The following LINGO2 variants were observed in gnomAD, a reference collection of about 807,000 sequenced individuals.
LINGO2 encodes the protein leucine-rich repeat and immunoglobulin-like domain-containing nogo receptor-interacting protein 2.
LINGO2 carries 14 observed loss-of-function variants against 30.6 expected under a neutral mutation model. That is an observed-to-expected ratio of 0.46 (90% CI 0.30 to 0.72). LINGO2 has a LOEUF of 0.72. Among genes scored for constraint, LINGO2 ranks in the 30% least tolerant of loss-of-function variants. The pLI, the probability that LINGO2 is intolerant of heterozygous loss-of-function variation, is 0.07. For synonymous variants in LINGO2, 317 were observed against 288.5 expected (o/e 1.10, Z -1.00); for missense variants, 729 against 751.7 (o/e 0.97, Z 0.35).
the LINGO2 span, among the ~76,000 whole-genome samples, chr9:29,210,369 C>G: frequency 3.3e-5 from 5 of 152,110 alleles, no homozygotes; most frequent in Admixed American, 6.5e-5. Flanking sequence ...AGGTGTCTTT[C>G]AGAAATACAT....
At chr9:29,199,555 T>C in the LINGO2 span, among the ~76,000 whole-genome samples, 2 of 152,046 alleles carry the variant, frequency 1.3e-5, no homozygotes, top group African/African-American at 2.4e-5. Flanking sequence ...ACAGAAAGCA[T>C]AGAGGCGAAC....
At chr9:28,323,266 C>T (rs1825111711) in intron 3 of LINGO2, among the ~76,000 whole-genome samples, 1 of 152,172 alleles carries the variant, frequency 6.6e-6, no homozygotes, top group Non-Finnish European at 1.5e-5. Flanking sequence ...TAGGCAAATT[C>T]TGTGCCTTTT....
intron 3 of LINGO2, among the ~76,000 whole-genome samples, chr9:28,305,670 T>A (rs926004461): frequency 3.3e-5 from 5 of 151,994 alleles, no homozygotes; most frequent in Non-Finnish European, 5.9e-5. Context: ...ACATACAAGA[T>A]CTGTACACTG....
chr9:28,777,937 C>A, the LINGO2 span, among the ~76,000 whole-genome samples: 1 of 152,114 alleles, frequency 6.6e-6, no homozygotes, highest in African/African-American at 2.4e-5. Flanking sequence ...GTTCCTTCTG[C>A]CTTCTTGCTA....
the LINGO2 span, among the ~76,000 whole-genome samples, chr9:29,211,592 T>C: frequency 3.3e-5 from 5 of 151,932 alleles, no homozygotes; most frequent in South Asian, 2.1e-4. Context: ...TCTCTCTCTC[T>C]CTCCCTCCCT....
chr9:28,657,061 T>C (rs1435632049), intron 1 of LINGO2, among the ~76,000 whole-genome samples: 3 of 152,072 alleles, frequency 2.0e-5, no homozygotes, highest in Non-Finnish European at 4.4e-5. Flanking sequence ...AAGATAACCA[T>C]ACATAAAGAC....
intron 4 of LINGO2, among the ~76,000 whole-genome samples, chr9:28,235,691 G>T (rs561672403): frequency 6.6e-6 from 1 of 152,172 alleles, no homozygotes; most frequent in Non-Finnish European, 1.5e-5. Flanking sequence ...AAATGCCACT[G>T]ACATGCTGAA....
chr9:28,198,594 G>A (rs985305324), intron 4 of LINGO2, among the ~76,000 whole-genome samples: 2 of 152,086 alleles, frequency 1.3e-5, no homozygotes, highest in Non-Finnish European at 2.9e-5. Flanking sequence ...AAATGGAAGT[G>A]TCTTGAGGAA....
chr9:28,721,997 GA>G, the LINGO2 span, among the ~76,000 whole-genome samples: 23 of 151,880 alleles, frequency 1.5e-4, no homozygotes, highest in Admixed American at 1.5e-3. Flanking sequence ...AAATCTTCAT[GA>G]GGGGAAATAA....
chr9:27,969,689 A>C (rs1167418878), intron 5 of LINGO2, among the ~76,000 whole-genome samples: 2 of 151,988 alleles, frequency 1.3e-5, no homozygotes, highest in African/African-American at 2.4e-5. Context: ...CTAAAGTCCT[A>C]GTTACTCTAG....
chr9:28,313,861 G>C (rs1248496850), intron 3 of LINGO2, among the ~76,000 whole-genome samples: 2 of 152,158 alleles, frequency 1.3e-5, no homozygotes, highest in Non-Finnish European at 2.9e-5. Context: ...CTTATTTGAA[G>C]AGGGCCTTTA....
intron 2 of LINGO2, among the ~76,000 whole-genome samples, chr9:28,436,135 A>G (rs377639888): frequency 6.3e-4 from 96 of 152,196 alleles, no homozygotes; most frequent in African/African-American, 2.1e-3. Context: ...CAAATTATCC[A>G]TAGCAACAAC....
intron 1 of LINGO2, among the ~76,000 whole-genome samples, chr9:28,512,454 A>G (rs1820427377): frequency 6.6e-6 from 1 of 151,640 alleles, no homozygotes; most frequent in Non-Finnish European, 1.5e-5. Context: ...CTGCTGGGTC[A>G]TACGGCCCAA....
At chr9:29,132,105 T>C in the LINGO2 span, among the ~76,000 whole-genome samples, 1 of 151,636 alleles carries the variant, frequency 6.6e-6, no homozygotes. Flanking sequence ...AGTCCCTTGA[T>C]CCCCAATAGG....
chr9:29,127,224 T>A, the LINGO2 span, among the ~76,000 whole-genome samples: 1 of 152,130 alleles, frequency 6.6e-6, no homozygotes, highest in African/African-American at 2.4e-5. Flanking sequence ...GCATGTACTC[T>A]GAAATCTGTG....
chr9:28,833,740 C>G, the LINGO2 span, among the ~76,000 whole-genome samples: 1 of 152,176 alleles, frequency 6.6e-6, no homozygotes, highest in East Asian at 1.9e-4. Context: ...CGAATAAAAT[C>G]AAGGCTTAGC....
chr9:28,183,329 C>A (rs1406288201), intron 4 of LINGO2, among the ~76,000 whole-genome samples: 1 of 151,644 alleles, frequency 6.6e-6, no homozygotes, highest in African/African-American at 2.4e-5. Context: ...GGGGAGGGAA[C>A]TTAGAGGTCA....
Position 28,055,015 on chromosome 9 carries a change from C to T in LINGO2, c.-86-42610G>A, listed in dbSNP as rs537708560. On this transcript the variant is annotated intron_variant, in intron 4 of 5. Coordinates refer to ENST00000379992, the Ensembl canonical transcript of LINGO2. ...AATTTAATTTGCTTTCTGATTAAAA[C>T]AAAACGCACAAACTTGCAAAAAAAA... 2.0e-5 allele frequency among the ~76,000 whole-genome samples: 3 copies of T among 147,384 alleles called. No homozygotes were observed. In the East Asian group the frequency reaches 5.9e-4, roughly 29 times the overall value.
intron 4 of LINGO2, among the ~76,000 whole-genome samples, chr9:28,085,457 A>C (rs1391579906): frequency 1.3e-5 from 2 of 152,096 alleles, no homozygotes; most frequent in South Asian, 4.1e-4. Context: ...GTACTACTAG[A>C]GCTGGCTTTA....
Sources: allele counts gnomAD v4.1 joint callset (sites outside exome capture counted in the v4.1 genomes callset), GRCh38; gene constraint gnomAD v4.1.1; transcripts MANE v1.5; gene names NCBI Gene and HGNC (gene_info 2026-07-23, HGNC 2026-07-21).